The following HMGA2 variants were observed in gnomAD, a reference collection of about 807,000 sequenced individuals.
HMGA2 encodes high mobility group protein HMGI-C.
In HMGA2, 8 loss-of-function variants were observed where a neutral mutation model predicts 19.1. The ratio of observed to expected loss-of-function variants is 0.42; its 90% CI spans 0.25 to 0.76. The LOEUF (loss-of-function observed/expected upper bound fraction) is 0.76. Among genes scored for constraint, HMGA2 ranks in the 30% least tolerant of loss-of-function variants. The pLI, the probability that HMGA2 is intolerant of heterozygous loss-of-function variation, is 0.28. For synonymous variants in HMGA2, 60 were observed against 48.8 expected (o/e 1.23, Z -0.96); for missense variants, 109 against 136.3 (o/e 0.80, Z 1.00).
intron 3 of HMGA2, among the ~76,000 whole-genome samples, chr12:65,862,097 G>A (rs571345843): frequency 6.6e-6 from 1 of 151,900 alleles, no homozygotes; most frequent in African/African-American, 2.4e-5. Context: ...CACCCGCCTC[G>A]GCCTCCCAAA....
At chr12:65,834,623 C>T (rs993451363) in intron 2 of HMGA2, among the ~76,000 whole-genome samples, 2 of 150,450 alleles carry the variant, frequency 1.3e-5, no homozygotes, top group African/African-American at 4.9e-5. Context: ...TTCCTCCCTG[C>T]CTCTCTCTTT....
chr12:65,861,091 G>C (rs1428245604), intron 3 of HMGA2, among the ~76,000 whole-genome samples: 3 of 152,224 alleles, frequency 2.0e-5, no homozygotes, highest in Non-Finnish European at 4.4e-5. Flanking sequence ...ATTTAGGCCA[G>C]GTGTGGTGGC....
chr12:65,919,252 T>C (rs1162087118), intron 3 of HMGA2, among the ~76,000 whole-genome samples: 1 of 152,206 alleles, frequency 6.6e-6, no homozygotes, highest in Non-Finnish European at 1.5e-5. Flanking sequence ...CCCTAACATA[T>C]ACATTTGGCA....
At chr12:65,925,805 C>T (rs937739706) in intron 3 of HMGA2, among the ~76,000 whole-genome samples, 2 of 152,004 alleles carry the variant, frequency 1.3e-5, no homozygotes, top group African/African-American at 4.8e-5. Context: ...TGCACTGACA[C>T]GTGAATGTGT....
intron 3 of HMGA2, among the ~76,000 whole-genome samples, chr12:65,893,109 C>T: frequency 6.6e-6 from 1 of 152,182 alleles, no homozygotes; most frequent in East Asian, 1.9e-4. Context: ...AGTCATGCCC[C>T]ACTGACTCAG....
chr12:65,963,695 A>G lies in HMGA2; in HGVS notation c.*403A>G. 2.7e-6 allele frequency: 1 copy of G among 367,258 alleles called. No homozygotes were observed. Among genetic ancestry groups the G allele is most frequent in the African/African-American group, 2.1e-5 (1 of 48,206 alleles). The allele number at this position is 367,258 out of a possible 1,614,324, so 22.7% of individuals were successfully genotyped here. ...TGCATGCAAACAAGAAACGTGTCACACTTGTGACGTCGGGCATTCATATAG... is the reference window on the plus strand; with the variant it reads ...TGCATGCAAACAAGAAACGTGTCACGCTTGTGACGTCGGGCATTCATATAG... On this transcript the variant is annotated 3_prime_UTR_variant, in exon 5 of 5. Transcript: ENST00000403681.
intron 3 of HMGA2, chr12:65,882,297 C>T (rs1019847617): frequency 1.8e-5 from 4 of 228,188 alleles, no homozygotes; most frequent in African/African-American, 8.9e-5. Context: ...CTCGGCTGTG[C>T]TCCGGGCTGC....
intron 3 of HMGA2, among the ~76,000 whole-genome samples, chr12:65,891,606 C>T (rs533345433): frequency 2.0e-5 from 3 of 152,236 alleles, no homozygotes; most frequent in South Asian, 2.1e-4. Flanking sequence ...TTAAGAGTCG[C>T]GTAAATAATA....
At chr12:65,913,570 A>G (rs1874937976) in intron 3 of HMGA2, among the ~76,000 whole-genome samples, 1 of 152,240 alleles carries the variant, frequency 6.6e-6, no homozygotes, top group Non-Finnish European at 1.5e-5. Context: ...AGCATGAGTT[A>G]TAGAACTTCC....
intron 3 of HMGA2, chr12:65,842,919 A>G: frequency 1.7e-6 from 2 of 1,171,248 alleles, no homozygotes; most frequent in Middle Eastern, 3.5e-4. Flanking sequence ...TGTTAACCTC[A>G]TGTATAAAAT....
rs1870105228 is a variant in HMGA2 at position 65,825,426 on chromosome 12, A to G, written c.111+45A>G. On this transcript the variant is annotated intron_variant, in intron 1 of 4. Transcript: ENST00000403681. The surrounding 1 kb of genome is among the most constrained non-coding windows in gnomAD (Gnocchi z 4.4). The stretch of plus-strand genomic sequence containing the variant: ...GGGGGCACCAGCCCACCCCGTCCCC[A>G]CTGCCGGGGCCCAGACACGCGCGGG... The G allele has an allele frequency of 1.4e-6, 2 of 1,381,430 alleles. No homozygotes were observed. Among genetic ancestry groups the G allele is most frequent in the East Asian group, 3.0e-5 (1 of 33,596 alleles). The allele number at this position is 1,381,430 out of a possible 1,614,324, so 85.6% of individuals were successfully genotyped here.
At chr12:65,873,923 GTAGGTAACAATA>G (rs1872839050) in intron 3 of HMGA2, 2 of 152,322 alleles carry the variant, frequency 1.3e-5, no homozygotes, top group East Asian at 3.9e-4. Context: ...ACCAAAAAAG[GTAGGTAACAATA>G]TAGGGCAGTT....
chr12:65,958,700 C>T (rs924938073), intron 4 of HMGA2: 1 of 152,130 alleles, frequency 6.6e-6, no homozygotes, highest in African/African-American at 2.4e-5. Flanking sequence ...GTTGAACATA[C>T]ACAGATGACA....
chr12:65,847,787 G>A (rs1419678009), intron 3 of HMGA2, among the ~76,000 whole-genome samples: 2 of 152,196 alleles, frequency 1.3e-5, no homozygotes, highest in African/African-American at 4.8e-5. Flanking sequence ...GTTGATGTTA[G>A]TACAGTCTCA....
chr12:65,905,266 A>T (rs567665777), intron 3 of HMGA2, among the ~76,000 whole-genome samples: 2 of 152,242 alleles, frequency 1.3e-5, no homozygotes, highest in South Asian at 4.1e-4. Context: ...AACAATATTG[A>T]TATAGTCAGT....
Position 65,882,863 on chromosome 12 carries a change from G to GAAA in HMGA2, c.249+44294_249+44295insAAA, listed in dbSNP as rs1873489363. On this transcript the variant is annotated intron_variant, in intron 3 of 4. Coordinates refer to ENST00000403681, the MANE Select transcript of HMGA2 (RefSeq NM_003483.6). ...CTAGGGAAATATTTTTTAAAACAAGGCTGCTTTTCACAAGGAGGGGTAGGC... is the reference window on the plus strand; with the variant it reads ...CTAGGGAAATATTTTTTAAAACAAGGAAACTGCTTTTCACAAGGAGGGGTAGGC... 2.0e-5 allele frequency among the ~76,000 whole-genome samples: 3 copies of GAAA among 152,200 alleles called. No individual in the cohort carries two copies. The South Asian group carries it at 6.2e-4, about 31-fold the overall frequency.
At chr12:65,927,165 T>G (rs1245256829) in intron 3 of HMGA2, among the ~76,000 whole-genome samples, 1 of 152,224 alleles carries the variant, frequency 6.6e-6, no homozygotes, top group Admixed American at 6.5e-5. Flanking sequence ...ATTGTTTTTT[T>G]ACAAAATGGC....
rs140365204 is a variant in HMGA2, at chr12:65,855,458, T to TCTCTCA, written c.249+16890_249+16891insTCTCAC. Reference sequence around the variant, plus strand: ...TTCTCTTTCTCTCTCTCTCTCTCTCTCACACACACACACACACACACACAC... The same window carrying TCTCTCA: ...TTCTCTTTCTCTCTCTCTCTCTCTCTCTCTCACACACACACACACACACACACACAC... On this transcript the variant is annotated intron_variant, in intron 3 of 4. Coordinates refer to ENST00000403681, the MANE Select transcript of HMGA2 (RefSeq NM_003483.6). 1.5e-3 allele frequency among the ~76,000 whole-genome samples: 207 copies of TCTCTCA among 140,230 alleles called. 1 individual carries two copies. The highest frequency in any genetic ancestry group is 4.7e-3 in the African/African-American group (171 of 36,156). 92.0% of individuals were successfully genotyped at this position (140,230 alleles called of 152,430 possible). A position where few individuals can be genotyped will look rare whatever the true frequency, so the allele number is the denominator to read the frequency against.
At chr12:65,842,255 G>A in intron 3 of HMGA2, 2 of 564,512 alleles carry the variant, frequency 3.5e-6, no homozygotes, top group Non-Finnish European at 6.3e-6. Flanking sequence ...TCTGCAAAAG[G>A]TATATTTCTC....
Sources: gnomAD v4.1 joint callset for allele counts (sites outside exome capture counted in the v4.1 genomes callset) on GRCh38, gnomAD v4.1.1 for gene constraint, Gnocchi (gnomAD v3.1) non-coding constraint, MANE v1.5 for transcripts, NCBI Gene and HGNC (gene_info 2026-07-23, HGNC 2026-07-21) for gene names.